Variants in VAV3 observed in about 807,000 individuals in gnomAD.
VAV3 encodes the protein vav guanine nucleotide exchange factor 3.
VAV3 carries 94 observed loss-of-function variants against 131.2 expected under a neutral mutation model. That is an observed-to-expected ratio of 0.72 (90% CI 0.61 to 0.85). VAV3 has a LOEUF of 0.85. Ranked by LOEUF, VAV3 falls within the 40% of genes least tolerant of loss-of-function variation. The pLI is 0.00. For missense variants in VAV3, 939 were observed against 1,002.7 expected, an observed-to-expected ratio of 0.94 and a Z score of 0.86; for synonymous variants, 349 against 342.0, an observed-to-expected ratio of 1.02 and a Z score of -0.22.
chr1:107,810,496 A>T (rs1171469514), intron 2 of VAV3, among the ~76,000 whole-genome samples: 1 of 152,200 alleles, frequency 6.6e-6, no homozygotes, highest in Non-Finnish European at 1.5e-5. Flanking sequence ...GATAATTTTT[A>T]AAATTGCTAT....
intron 21 of VAV3, among the ~76,000 whole-genome samples, chr1:107,612,396 T>C (rs1652822231): frequency 1.3e-5 from 2 of 152,078 alleles, no homozygotes; most frequent in Admixed American, 1.3e-4. Context: ...AGATATTAAT[T>C]CAGACATTGT....
chr1:107,709,336 C>G (rs1465779231), intron 15 of VAV3, among the ~76,000 whole-genome samples: 2 of 152,030 alleles, frequency 1.3e-5, no homozygotes, highest in African/African-American at 4.8e-5. Context: ...TATGCTTTTA[C>G]TGTAGTATTT....
chr1:107,756,004 C>G (rs918613666), intron 11 of VAV3, among the ~76,000 whole-genome samples: 1 of 152,066 alleles, frequency 6.6e-6, no homozygotes. Context: ...TGAGAGCATT[C>G]GGTCAAGGAA....
intron 2 of VAV3, among the ~76,000 whole-genome samples, chr1:107,783,394 G>A (rs559242327): frequency 6.6e-6 from 1 of 152,330 alleles, no homozygotes; most frequent in East Asian, 1.9e-4. Flanking sequence ...GATGGCTGCA[G>A]TAGACAGGAA....
At chr1:107,603,995 G>T (rs1395877988) in intron 22 of VAV3, among the ~76,000 whole-genome samples, 3 of 145,590 alleles carry the variant, frequency 2.1e-5, no homozygotes, top group East Asian at 1.9e-4. Context: ...CCTAGACTTT[G>T]CTGGCCTTAA....
chr1:107,784,891 T>A (rs1665897773), intron 2 of VAV3, among the ~76,000 whole-genome samples: 1 of 152,228 alleles, frequency 6.6e-6, no homozygotes, highest in African/African-American at 2.4e-5. Context: ...TTGTGAAAAT[T>A]AAACATTAAA....
intron 20 of VAV3, among the ~76,000 whole-genome samples, chr1:107,622,310 G>A (rs1247042239): frequency 6.6e-6 from 1 of 152,170 alleles, no homozygotes; most frequent in Non-Finnish European, 1.5e-5. Context: ...TGGTAGAAAT[G>A]ATATTCACAA....
chr1:107,601,526 G>C (rs1651861861), intron 24 of VAV3, among the ~76,000 whole-genome samples: 1 of 152,082 alleles, frequency 6.6e-6, no homozygotes, highest in African/African-American at 2.4e-5. Context: ...TTTGATTGAT[G>C]GTTCATTCAA....
At chr1:107,859,435 C>T (rs1267202287) in intron 2 of VAV3, among the ~76,000 whole-genome samples, 1 of 152,122 alleles carries the variant, frequency 6.6e-6, no homozygotes, top group Admixed American at 6.6e-5. Flanking sequence ...AGAGTACATT[C>T]CTTGTATTTA....
intron 1 of VAV3, among the ~76,000 whole-genome samples, chr1:107,953,985 C>A (rs1367028410): frequency 6.6e-6 from 1 of 152,066 alleles, no homozygotes; most frequent in Non-Finnish European, 1.5e-5. Context: ...GACAGCAGCA[C>A]AAAATACAAT....
intron 25 of VAV3, among the ~76,000 whole-genome samples, chr1:107,580,469 C>T (rs879258792): frequency 7.9e-5 from 12 of 152,028 alleles, no homozygotes; most frequent in Non-Finnish European, 1.3e-4. Flanking sequence ...GTATGTCTCA[C>T]GGCATTAACC....
At chr1:107,629,940 G>A (rs1244145803) in intron 20 of VAV3, among the ~76,000 whole-genome samples, 1 of 152,110 alleles carries the variant, frequency 6.6e-6, no homozygotes, top group Non-Finnish European at 1.5e-5. Flanking sequence ...AATGAGTGAA[G>A]TCATCAACTT....
At position 107,666,935 on chromosome 1, in the gene VAV3, C is replaced by G. The variant is rs1298606646; in HGVS notation, c.1777+16553G>C. Among the ~76,000 whole-genome samples, 5 of 152,156 alleles carry G rather than the reference C, an allele frequency of 3.3e-5. No homozygotes were observed. The East Asian group carries it at 9.6e-4, about 29-fold the overall frequency. On this transcript the variant is annotated intron_variant, in intron 19 of 26. Transcript: ENST00000370056. ...AAGACTGCATTCAAACCTAGGCAGC[C>G]TAGCTCTGGAGTTTCTGTATCATTG...
intron 2 of VAV3, among the ~76,000 whole-genome samples, chr1:107,823,130 G>C (rs1667872402): frequency 6.6e-6 from 1 of 152,130 alleles, no homozygotes; most frequent in African/African-American, 2.4e-5. Flanking sequence ...AAGTCCAAAG[G>C]AGAAGGAGGA....
At chr1:107,936,812 T>C (rs890596331) in intron 1 of VAV3, among the ~76,000 whole-genome samples, 1 of 152,226 alleles carries the variant, frequency 6.6e-6, no homozygotes, top group African/African-American at 2.4e-5. Context: ...GGTTGGAATT[T>C]ATGCACTTAT....
intron 5 of VAV3, 86 bp downstream of exon 5, chr1:107,772,649 C>A: frequency 8.5e-7 from 1 of 1,171,502 alleles, no homozygotes. Context: ...AAAAAAATCC[C>A]AGCAGATGTT....
chr1:107,919,986 C>A (rs1355556820), intron 1 of VAV3, among the ~76,000 whole-genome samples: 1 of 152,122 alleles, frequency 6.6e-6, no homozygotes, highest in Non-Finnish European at 1.5e-5. Flanking sequence ...CTTGAAATCA[C>A]TTGAATAAAA....
chr1:107,577,915 C>T (rs1378625347), intron 25 of VAV3, among the ~76,000 whole-genome samples: 1 of 152,170 alleles, frequency 6.6e-6, no homozygotes, highest in Non-Finnish European at 1.5e-5. Context: ...TTTTCTACAG[C>T]CAAGCATGAG....
intron 15 of VAV3, among the ~76,000 whole-genome samples, chr1:107,715,678 T>C (rs926509181): frequency 2.6e-5 from 4 of 152,216 alleles, no homozygotes; most frequent in Non-Finnish European, 2.9e-5. Context: ...GCATTGTTCA[T>C]TCTCTTATCA....
Sources: gnomAD v4.1 joint callset for allele counts (sites outside exome capture counted in the v4.1 genomes callset) on GRCh38, gnomAD v4.1.1 for gene constraint, MANE v1.5 for transcripts, NCBI Gene and HGNC (gene_info 2026-07-23, HGNC 2026-07-21) for gene names.